Variants in ART3 observed in about 807,000 individuals in gnomAD.
The protein encoded by ART3 is ADP-ribosyltransferase 3 (inactive).
In ART3, 49 loss-of-function variants were observed where a neutral mutation model predicts 48.5. The observed-to-expected ratio is 1.01, with a 90% CI of 0.80 to 1.28. ART3 has a LOEUF of 1.28. Among genes scored for constraint, ART3 ranks in the 50% most tolerant of loss-of-function variants. ART3 has a pLI of 0.00. For synonymous variants in ART3, 145 were observed against 157.2 expected (o/e 0.92, Z 0.58); for missense variants, 438 against 454.3 (o/e 0.96, Z 0.33).
At chr4:76,083,676 A>G (rs968324211) in intron 3 of ART3, among the ~76,000 whole-genome samples, 1 of 152,250 alleles carries the variant, frequency 6.6e-6, no homozygotes, top group African/African-American at 2.4e-5. Context: ...AAAGGGGATG[A>G]CAGCCAAATC....
chr4:76,027,240 C>T (rs572147330), intron 1 of ART3, among the ~76,000 whole-genome samples: 15 of 151,688 alleles, frequency 9.9e-5, no homozygotes, highest in African/African-American at 1.5e-4. Flanking sequence ...GCAACAAGAG[C>T]GAAACTCCGT....
At chr4:76,025,732 T>A (rs1733318931) in intron 1 of ART3, among the ~76,000 whole-genome samples, 1 of 152,244 alleles carries the variant, frequency 6.6e-6, no homozygotes, top group African/African-American at 2.4e-5. Flanking sequence ...CATGAATTAG[T>A]AATTTGTTTC....
chr4:76,079,967 C>G (rs1722101969), intron 2 of ART3, among the ~76,000 whole-genome samples: 1 of 151,978 alleles, frequency 6.6e-6, no homozygotes, highest in African/African-American at 2.4e-5. Context: ...AAGTATCATT[C>G]ACATAGAACC....
In ART3 at chr4:76,112,595, T is replaced by C; in HGVS notation, c.*76T>C. The C allele has an allele frequency of 2.1e-6, 3 of 1,456,072 alleles. No homozygotes were observed. The South Asian group carries it at 4.2e-5, about 21-fold the overall frequency. The allele number at this position is 1,456,072 out of a possible 1,614,324, so 90.2% of individuals were successfully genotyped here. On this transcript the variant is annotated 3_prime_UTR_variant, in exon 12 of 12. Transcript: ENST00000355810. Reference sequence around the variant, plus strand: ...ATCCACAGGAGATCAAAAGGAATGATGTATTTTTTACGTGTTGGCCAAAGT... The same window carrying C: ...ATCCACAGGAGATCAAAAGGAATGACGTATTTTTTACGTGTTGGCCAAAGT...
At chr4:76,083,503 G>A (rs1173639416) in intron 3 of ART3, among the ~76,000 whole-genome samples, 1 of 152,142 alleles carries the variant, frequency 6.6e-6, no homozygotes, top group East Asian at 1.9e-4. Context: ...AAGTCTTAGA[G>A]GCAGGCTGTT....
At chr4:76,112,784 AGAT>A (rs1729723837) in exon 12 of ART3, 2 of 310,154 alleles carry the variant, frequency 6.4e-6, no homozygotes, top group African/African-American at 4.4e-5. Flanking sequence ...GATTTTGATT[AGAT>A]ATTTCAGAAT....
upstream of ART3, among the ~76,000 whole-genome samples, chr4:76,071,938 A>G (rs574261585): frequency 1.3e-5 from 2 of 152,058 alleles, no homozygotes; most frequent in African/African-American, 4.8e-5. Flanking sequence ...TGTTTTTGAG[A>G]CAGGGTCTTA....
At chr4:76,050,072 G>A (rs996246109) in intron 1 of ART3, among the ~76,000 whole-genome samples, 2 of 151,974 alleles carry the variant, frequency 1.3e-5, no homozygotes, top group African/African-American at 4.8e-5. Flanking sequence ...CAGGAGTGAA[G>A]CTGCAGACTT....
At chr4:76,054,547 T>G (rs554208592) in intron 1 of ART3, among the ~76,000 whole-genome samples, 4 of 152,342 alleles carry the variant, frequency 2.6e-5, no homozygotes, top group Admixed American at 6.5e-5. Context: ...TTTAAAATAT[T>G]TAGGCTGGGC....
intron 1 of ART3, among the ~76,000 whole-genome samples, chr4:76,014,863 T>C (rs1337159307): frequency 1.3e-5 from 2 of 152,122 alleles, no homozygotes; most frequent in Non-Finnish European, 1.5e-5. Context: ...TGATTTCTTA[T>C]CAGAAGCCAA....
At chr4:76,025,087 G>A (rs766576002) in intron 1 of ART3, among the ~76,000 whole-genome samples, 2 of 152,136 alleles carry the variant, frequency 1.3e-5, no homozygotes, top group Non-Finnish European at 1.5e-5. Context: ...GTGGGAAACC[G>A]GAAAGGCAAA....
intron 1 of ART3, among the ~76,000 whole-genome samples, chr4:76,044,593 C>A (rs561673548): frequency 6.6e-6 from 1 of 151,570 alleles, no homozygotes; most frequent in East Asian, 1.9e-4. Context: ...TTTCTCTCTT[C>A]AACTTCTTTG....
At chr4:76,028,650 A>G (rs1733622843) in intron 1 of ART3, among the ~76,000 whole-genome samples, 1 of 152,248 alleles carries the variant, frequency 6.6e-6, no homozygotes, top group South Asian at 2.1e-4. Flanking sequence ...ATGGGAGAGC[A>G]GGGCAAAGCT....
At chr4:76,106,335 G>A (rs1728462440) in intron 10 of ART3, 1 of 985,270 alleles carries the variant, frequency 1.0e-6, no homozygotes, top group Non-Finnish European at 1.2e-6. Flanking sequence ...TAGTACAGAT[G>A]GTCTCCAAGT....
chr4:76,108,130 C>T (rs543821916), intron 11 of ART3, among the ~76,000 whole-genome samples: 44 of 151,322 alleles, frequency 2.9e-4, no homozygotes, highest in African/African-American at 1.1e-3. Flanking sequence ...CCCAATTCTC[C>T]CTTTATAACA....
intron 5 of ART3, chr4:76,099,652 A>G (rs1726822124): frequency 6.5e-6 from 1 of 153,828 alleles, no homozygotes; most frequent in Non-Finnish European, 1.4e-5. Flanking sequence ...AAAACTCAGC[A>G]TGTTTGCATC....
chr4:76,030,914 G>C (rs1733817114), intron 1 of ART3, among the ~76,000 whole-genome samples: 1 of 152,066 alleles, frequency 6.6e-6, no homozygotes, highest in South Asian at 2.1e-4. Flanking sequence ...TGGCTGTTGT[G>C]TATAATGCTG....
At chr4:76,110,899 T>C (rs1302032610) in intron 11 of ART3, among the ~76,000 whole-genome samples, 1 of 152,122 alleles carries the variant, frequency 6.6e-6, no homozygotes, top group East Asian at 1.9e-4. Flanking sequence ...TGCTAGTCTA[T>C]TTTTATCATT....
upstream of ART3, among the ~76,000 whole-genome samples, chr4:76,072,212 T>C (rs74427270): frequency 2.8e-3 from 425 of 152,382 alleles, 7 homozygotes; most frequent in East Asian, 0.057. Flanking sequence ...GTATAATAAA[T>C]TGATATCTTT....
Sources: allele counts gnomAD v4.1 joint callset (sites outside exome capture counted in the v4.1 genomes callset), GRCh38; gene constraint gnomAD v4.1.1; transcripts MANE v1.5; gene names NCBI Gene and HGNC (gene_info 2026-07-23, HGNC 2026-07-21).